Variants in B4GALNT3 observed in about 807,000 individuals in gnomAD.
B4GALNT3 encodes beta-1,4-N-acetyl-galactosaminyltransferase 3, also known as beta-1,4-N-acetylgalactosaminyltransferase 3.
In B4GALNT3, 86 loss-of-function variants were observed where a neutral mutation model predicts 120.2. That is an observed-to-expected ratio of 0.72 (90% confidence interval 0.60 to 0.86). The LOEUF (loss-of-function observed/expected upper bound fraction) is 0.86, where lower values mean the gene tolerates loss of function less well. Among genes scored for constraint, B4GALNT3 ranks in the 40% least tolerant of loss-of-function variants. B4GALNT3 has a pLI of 0.00. For synonymous variants in B4GALNT3, 518 were observed against 510.4 expected (o/e 1.01, Z -0.20); for missense variants, 1,167 against 1,298.9 (o/e 0.90, Z 1.56).
At chr12:471,401 A>T (rs1946134112) in intron 1 of B4GALNT3, among the ~76,000 whole-genome samples, 1 of 124,206 alleles carries the variant, frequency 8.1e-6, no homozygotes, top group Admixed American at 7.5e-5. Flanking sequence ...TAAATAAATA[A>T]ATAAATAAAT....
Position 544,339 on chromosome 12 carries a change from T to G in B4GALNT3, c.352T>G (p.Phe118Val). ...WNKPVPWLSE[F>V]RGRANLHVFE... Reference sequence around the variant, plus strand: ...CACCACTGGCGTCTCCGCCCTGCAGTTCCGGGGCCGTGCCAACCTGCATGT... The same window carrying G: ...CACCACTGGCGTCTCCGCCCTGCAGGTCCGGGGCCGTGCCAACCTGCATGT... Residue 118 changes from phenylalanine to valine, a missense_variant and splice_region_variant, in exon 4 of 20, where the codon TTC becomes GTC. Coordinates refer to ENST00000266383, the MANE Select transcript of B4GALNT3 (RefSeq NM_173593.4). 6.2e-7 allele frequency: 1 copy of G among 1,613,280 alleles called. No homozygotes were observed. The highest frequency in any genetic ancestry group is 8.5e-7 in the Non-Finnish European group (1 of 1,179,818).
At chr12:512,613 A>G (rs1397572264) in intron 1 of B4GALNT3, among the ~76,000 whole-genome samples, 129 of 70,858 alleles carry the variant, frequency 1.8e-3, no homozygotes, top group Middle Eastern at 0.013. Flanking sequence ...TCCACCTTCC[A>G]CCTTCCGCCT....
At chr12:484,396 A>C (rs1191548758) in intron 1 of B4GALNT3, among the ~76,000 whole-genome samples, 2 of 152,134 alleles carry the variant, frequency 1.3e-5, no homozygotes, top group Non-Finnish European at 2.9e-5. Context: ...CTTTGCTGAG[A>C]AGGCTGAGGC....
chr12:463,654 T>C (rs7301229), intron 1 of B4GALNT3, among the ~76,000 whole-genome samples: 147,164 of 152,344 alleles, frequency 0.97, 71,279 homozygotes, highest in East Asian at 1. Context: ...TGACACCTCT[T>C]GAAATGGGGG....
chr12:558,910 A>C (rs1342047566), intron 18 of B4GALNT3, among the ~76,000 whole-genome samples: 3 of 150,798 alleles, frequency 2.0e-5, no homozygotes, highest in Non-Finnish European at 4.4e-5. Context: ...TTCATCACAC[A>C]CTTACTAAGC....
intron 1 of B4GALNT3, among the ~76,000 whole-genome samples, chr12:498,082 C>T (rs1238123731): frequency 6.6e-6 from 1 of 152,166 alleles, no homozygotes; most frequent in Non-Finnish European, 1.5e-5. Flanking sequence ...TACACACACG[C>T]CCCTTCACTG....
At chr12:532,339 C>G (rs1946816681) in intron 1 of B4GALNT3, among the ~76,000 whole-genome samples, 1 of 152,196 alleles carries the variant, frequency 6.6e-6, no homozygotes, top group Non-Finnish European at 1.5e-5. Context: ...ATGGATTTGT[C>G]TTTTGTCACT....
At chr12:465,921 A>G (rs1240182592) in intron 1 of B4GALNT3, among the ~76,000 whole-genome samples, 3 of 140,596 alleles carry the variant, frequency 2.1e-5, no homozygotes, top group African/African-American at 8.3e-5. Flanking sequence ...CCCCTGCTTG[A>G]TGGTCCTGGG....
intron 1 of B4GALNT3, among the ~76,000 whole-genome samples, chr12:511,489 C>G (rs1182467478): frequency 8.9e-6 from 1 of 111,836 alleles, no homozygotes; most frequent in Non-Finnish European, 1.7e-5. Context: ...CCTTCTTCCA[C>G]CTTCCACCTT....
intron 1 of B4GALNT3, among the ~76,000 whole-genome samples, chr12:509,010 G>A (rs898543358): frequency 6.6e-6 from 1 of 152,192 alleles, no homozygotes; most frequent in African/African-American, 2.4e-5. Flanking sequence ...ACTTAGGAGT[G>A]GTGGAGATAC....
At position 493,901 on chromosome 12, in the gene B4GALNT3, C is replaced by T. The variant is rs572069261; in HGVS notation, c.169+33356C>T. 5.9e-5 allele frequency among the ~76,000 whole-genome samples: 9 copies of T among 152,328 alleles called. No individual in the cohort carries two copies. The East Asian group carries it at 1.7e-3, about 29-fold the overall frequency. ...GTCCGTGTTGGAAAGGCAGTCCACA[C>T]TTCTCCATAGTTCACTCAGCGTGAG... is the stretch of plus-strand genomic sequence containing the variant. On this transcript the variant is annotated intron_variant, in intron 1 of 19. Transcript: ENST00000266383.
rs201200536 is a variant in B4GALNT3, at chr12:553,947, G to A, written c.2024G>A (p.Arg675Gln). 23 of 1,613,868 alleles carry A rather than the reference G, an allele frequency of 1.4e-5. No individual in the cohort carries two copies. In the Admixed American group the frequency reaches 2.3e-4, roughly 16 times the overall value. ...LPEQEALEVT[R>Q]VFLKKLNQRS... ...GAGCAGGAAGCTCTGGAGGTCACGC[G>A]AGTCTTCTTGAAGAAGCTCAACCAG... Residue 675 changes from arginine (R) to glutamine (Q), a missense_variant, in exon 14 of 20, where the codon CGA (arginine) becomes CAA (glutamine). By Grantham distance (43) the Arg-to-Gln change is conservative. Transcript: ENST00000266383.
In B4GALNT3 at chr12:553,888, G is replaced by C. The variant is rs1454570745; in HGVS notation, c.1965G>C (p.Leu655=). The C allele has an allele frequency of 5.6e-6, 9 of 1,614,206 alleles. No individual in the cohort carries two copies. Among genetic ancestry groups the C allele is most frequent in the Non-Finnish European group, 5.9e-6 (7 of 1,180,024 alleles). The change falls in exon 14 of 20, where the codon CTG becomes CTC. Residue 655 remains leucine (L), a synonymous_variant. Coordinates refer to ENST00000266383, the MANE Select transcript of B4GALNT3 (RefSeq NM_173593.4). The part of the protein sequence containing the change: ...FQALRTDWID[L]SCNTSGNLLL... ...CCCTGAGGACTGACTGGATCGATCT[G>C]AGCTGTAACACATCTGGCAACCTGC...
At position 553,867 on chromosome 12, in the gene B4GALNT3, G is replaced by A. The variant is rs147372152; in HGVS notation, c.1944G>A (p.Leu648=). The A allele has an allele frequency of 3.1e-6, 5 of 1,614,116 alleles. No homozygotes were observed. The highest frequency in any genetic ancestry group is 2.5e-6 in the Non-Finnish European group (3 of 1,180,050). The change falls in exon 14 of 20, where the codon CTG becomes CTA. Residue 648 remains leucine, a synonymous_variant. Transcript: ENST00000266383. ...CCCGGAATCTCGACTTCCAAGCCCTGAGGACTGACTGGATCGATCTGAGCT... is the reference window on the plus strand; with the variant it reads ...CCCGGAATCTCGACTTCCAAGCCCTAAGGACTGACTGGATCGATCTGAGCT... The part of the protein sequence containing the change: ...FSARNLDFQA[L]RTDWIDLSCN...
intron 1 of B4GALNT3, among the ~76,000 whole-genome samples, chr12:490,563 C>T (rs1460898141): frequency 6.6e-6 from 1 of 152,078 alleles, no homozygotes; most frequent in Admixed American, 6.6e-5. Context: ...AACCCCATCT[C>T]TGCAAAAAAT....
intron 1 of B4GALNT3, among the ~76,000 whole-genome samples, chr12:494,165 G>A (rs1946368561): frequency 6.6e-6 from 1 of 152,028 alleles, no homozygotes; most frequent in South Asian, 2.1e-4. Context: ...AGCTACTCGG[G>A]AGGCTGAGGT....
At chr12:554,023 C>T (rs369385389) in intron 14 of B4GALNT3, 40 bp downstream of exon 14, 32 of 1,432,710 alleles carry the variant, frequency 2.2e-5, no homozygotes, top group East Asian at 2.1e-4. Flanking sequence ...GACTGGGGCA[C>T]GTGGCAGCCA....
At chr12:507,798 AG>A in intron 1 of B4GALNT3, among the ~76,000 whole-genome samples, 1 of 146,464 alleles carries the variant, frequency 6.8e-6, no homozygotes, top group African/African-American at 2.8e-5. Context: ...ATCCAGTAGT[AG>A]CTTGGTGGAC....
chr12:524,866 G>A lies in B4GALNT3; in HGVS notation c.170-10300G>A, dbSNP rs979601023. Among the ~76,000 whole-genome samples the A allele has an allele frequency of 1.4e-4, 22 of 152,250 alleles. 1 individual carries two copies. The highest frequency in any genetic ancestry group is 6.2e-4 in the South Asian group (3 of 4,828). On this transcript the variant is annotated intron_variant, in intron 1 of 19. Transcript: ENST00000266383. ...AGCGTGATGACTGGCCTGCGCAAAC[G>A]CACATTCGTTAGCTGTTGTGTTTGT... is the stretch of plus-strand genomic sequence containing the variant.
Sources: gnomAD v4.1 joint callset for allele counts (sites outside exome capture counted in the v4.1 genomes callset) on GRCh38, gnomAD v4.1.1 for gene constraint, MANE v1.5 for transcripts, NCBI Gene and HGNC (gene_info 2026-07-23, HGNC 2026-07-21) for gene names.